FAAH2: variants seen among roughly 807,000 people sequenced by gnomAD.
The protein encoded by FAAH2 is fatty-acid amide hydrolase 2.
A neutral mutation model predicts 36.9 loss-of-function variants in FAAH2; 60 were observed. The observed-to-expected ratio is 1.63, with a 90% CI of 1.32 to 2.02. The LOEUF (loss-of-function observed/expected upper bound fraction) is 2.02, where lower values mean the gene tolerates loss of function less well. Among genes scored for constraint, FAAH2 ranks in the 30% most tolerant of loss-of-function variants. The pLI, the probability that FAAH2 is intolerant of heterozygous loss-of-function variation, is 0.00. For missense variants in FAAH2, 689 were observed against 397.5 expected (o/e 1.73, Z -6.23); for synonymous variants, 214 against 143.8 (o/e 1.49, Z -3.49).
chrX:57,320,193 T>C (rs1435666889), intron 3 of FAAH2, among the ~76,000 whole-genome samples: 4 of 111,732 alleles, frequency 3.6e-5, no homozygotes, highest in Non-Finnish European at 7.5e-5. Context: ...CTAAAGAGCT[T>C]CTGAACAGCA....
chrX:57,341,692 T>C (rs757026877), intron 5 of FAAH2, among the ~76,000 whole-genome samples: 27 of 110,057 alleles, frequency 2.5e-4, no homozygotes, highest in Non-Finnish European at 4.6e-4. Context: ...ATAAACCGGC[T>C]CCAAATTAAA....
upstream of FAAH2, among the ~76,000 whole-genome samples, chrX:57,283,244 G>A (rs988764019): frequency 1.8e-5 from 2 of 111,502 alleles, no homozygotes; most frequent in Non-Finnish European, 3.8e-5. Context: ...CATTGCAGTG[G>A]CAGGGGCAGA....
chrX:57,267,497 A>G, the FAAH2 span, among the ~76,000 whole-genome samples: 1 of 112,671 alleles, frequency 8.9e-6, no homozygotes, highest in African/African-American at 3.2e-5. Flanking sequence ...CTCCACTGCA[A>G]CAGTGCACAC....
the FAAH2 span, among the ~76,000 whole-genome samples, chrX:57,129,319 T>C: frequency 1.8e-5 from 2 of 111,991 alleles, no homozygotes; most frequent in African/African-American, 3.2e-5. Context: ...ATCTGTACTT[T>C]ATACATAATC....
At chrX:57,204,259 A>C in the FAAH2 span, among the ~76,000 whole-genome samples, 2 of 111,632 alleles carry the variant, frequency 1.8e-5, no homozygotes, top group African/African-American at 3.3e-5. Context: ...TTATGGGAGC[A>C]GATTTATTAT....
chrX:57,378,215 A>G (rs1208690690), intron 5 of FAAH2, among the ~76,000 whole-genome samples: 1 of 112,228 alleles, frequency 8.9e-6, no homozygotes, highest in Admixed American at 9.5e-5. Context: ...ACAATTTGTT[A>G]TGGCTTCTGT....
intron 5 of FAAH2, among the ~76,000 whole-genome samples, chrX:57,352,106 ATGTGTATATATATG>A (rs2054034636): frequency 4.4e-5 from 2 of 45,045 alleles, no homozygotes; most frequent in African/African-American, 1.2e-4. Flanking sequence ...ATATATATAT[ATGTGTATATATATG>A]CACATATATA....
chrX:57,486,329 G>A (rs1298935390), intron 10 of FAAH2, among the ~76,000 whole-genome samples: 4 of 111,523 alleles, frequency 3.6e-5, no homozygotes, highest in Non-Finnish European at 7.5e-5. Flanking sequence ...TAGTGGGATT[G>A]TCATACAGTC....
At chrX:57,333,876 CATA>C (rs1343257010) in intron 4 of FAAH2, among the ~76,000 whole-genome samples, 1 of 111,502 alleles carries the variant, frequency 9.0e-6, no homozygotes, top group Non-Finnish European at 1.9e-5. Context: ...CTACACCTAG[CATA>C]ATATTTCATC....
At chrX:57,454,762 G>T (rs375318716) in intron 10 of FAAH2, among the ~76,000 whole-genome samples, 110 of 111,345 alleles carry the variant, frequency 9.9e-4, no homozygotes, top group East Asian at 2.3e-3. Flanking sequence ...AAAGAAAAAA[G>T]AATTTTTGAA....
At chrX:57,135,443 C>G in the FAAH2 span, 7 of 197,097 alleles carry the variant, frequency 3.6e-5, no homozygotes, top group African/African-American at 1.9e-4. Flanking sequence ...ACCTCCTCCT[C>G]TCTCCCCAAG....
chrX:57,360,907 A>G (rs1057359166), intron 5 of FAAH2, among the ~76,000 whole-genome samples: 3 of 110,974 alleles, frequency 2.7e-5, no homozygotes, highest in Non-Finnish European at 5.7e-5. Flanking sequence ...ACTGCCACTT[A>G]TGAGTAAGAA....
intron 2 of FAAH2, among the ~76,000 whole-genome samples, chrX:57,302,402 G>A (rs975712383): frequency 1.8e-5 from 2 of 111,587 alleles, no homozygotes; most frequent in Non-Finnish European, 3.8e-5. Flanking sequence ...CTATACACCT[G>A]GTAGCATGCT....
At chrX:57,219,468 G>A in the FAAH2 span, among the ~76,000 whole-genome samples, 3 of 111,791 alleles carry the variant, frequency 2.7e-5, no homozygotes, top group African/African-American at 9.8e-5. Flanking sequence ...GTCGGTCACT[G>A]ATCTCGCCTA....
chrX:57,216,609 C>CGTATATATAT, the FAAH2 span, among the ~76,000 whole-genome samples: 1 of 47,035 alleles, frequency 2.1e-5, no homozygotes, highest in African/African-American at 6.5e-5. Context: ...TATATATATA[C>CGTATATATAT]GTATATATAT....
intron 8 of FAAH2, among the ~76,000 whole-genome samples, chrX:57,441,379 T>G (rs763469205): frequency 1.8e-5 from 2 of 111,886 alleles, no homozygotes; most frequent in African/African-American, 6.5e-5. Context: ...ATTTTCTAGT[T>G]TTTTTGTGTA....
chrX:57,399,759 C>T (rs935573578), intron 7 of FAAH2, among the ~76,000 whole-genome samples: 5 of 112,163 alleles, frequency 4.5e-5, no homozygotes, highest in African/African-American at 1.3e-4. Context: ...CTCCATATTG[C>T]TGCATGGGCA....
the FAAH2 span, among the ~76,000 whole-genome samples, chrX:57,137,894 C>T: frequency 1.8e-5 from 2 of 111,723 alleles, no homozygotes; most frequent in African/African-American, 6.5e-5. Context: ...TCTCCAAGCA[C>T]ATGCACATGT....
Position 57,380,977 on chromosome X carries a change from G to A in FAAH2, c.944G>A (p.Gly315Asp), listed in dbSNP as rs1421232873. The A allele has an allele frequency of 1.7e-6, 2 of 1,200,588 alleles. No individual in the cohort carries two copies. Among genetic ancestry groups the A allele is most frequent in the South Asian group, 1.9e-5 (1 of 53,591 alleles). The change falls in exon 7 of 11, where the codon GGC becomes GAC. Residue 315 changes from glycine to aspartate, a missense_variant. Transcript: ENST00000374900. Reference sequence around the variant, plus strand: ...TTTTACTGGATGGAACATGATGGAGGCTCATTTTTAATGTCCAAAGTGGAC... The same window carrying A: ...TTTTACTGGATGGAACATGATGGAGACTCATTTTTAATGTCCAAAGTGGAC... ...LKFYWMEHDG[G>D]SFLMSKVDQD...
Sources: allele counts gnomAD v4.1 joint callset (sites outside exome capture counted in the v4.1 genomes callset), GRCh38; gene constraint gnomAD v4.1.1; transcripts MANE v1.5; gene names NCBI Gene and HGNC (gene_info 2026-07-23, HGNC 2026-07-21).